CUBN: variants seen among roughly 807,000 people sequenced by gnomAD.
CUBN encodes the protein 460 kDa receptor.
A neutral mutation model predicts 405.3 loss-of-function variants in CUBN; 282 were observed. The ratio of observed to expected loss-of-function variants is 0.70; its 90% CI spans 0.63 to 0.77. The LOEUF (loss-of-function observed/expected upper bound fraction) is 0.77, where lower values mean the gene tolerates loss of function less well. CUBN is among the 30% of genes least tolerant of loss of function. The pLI, the probability that CUBN is intolerant of heterozygous loss-of-function variation, is 0.00. For missense variants in CUBN, 4,514 were observed against 4,475.2 expected (o/e 1.01, Z -0.25); for synonymous variants, 1,684 against 1,617.0 (o/e 1.04, Z -0.99).
At chr10:16,875,235 A>C (rs1840464963) in intron 57 of CUBN, among the ~76,000 whole-genome samples, 1 of 152,160 alleles carries the variant, frequency 6.6e-6, no homozygotes, top group Non-Finnish European at 1.5e-5. Context: ...AAAACGACAG[A>C]CATAAAAATG....
intron 60 of CUBN, among the ~76,000 whole-genome samples, chr10:16,848,494 T>C (rs1454175587): frequency 1.3e-5 from 2 of 152,072 alleles, no homozygotes; most frequent in African/African-American, 2.4e-5. Flanking sequence ...TAGGTACTAT[T>C]ATGTGATTTA....
At chr10:17,111,423 A>C (rs1836769416) in intron 8 of CUBN, among the ~76,000 whole-genome samples, 1 of 152,138 alleles carries the variant, frequency 6.6e-6, no homozygotes, top group African/African-American at 2.4e-5. Flanking sequence ...ATCTTAGTAT[A>C]CTGGTATAAG....
chr10:17,092,581 A>AC (rs1836289155), intron 14 of CUBN, among the ~76,000 whole-genome samples: 2 of 151,932 alleles, frequency 1.3e-5, no homozygotes, highest in South Asian at 4.1e-4. Flanking sequence ...GAGGAAAGTG[A>AC]CCTCTGGTCG....
rs566590660 is a variant in CUBN at position 17,087,121 on chromosome 10, T to A, written c.1947+1043A>T. 3.0e-3 allele frequency among the ~76,000 whole-genome samples: 415 copies of A among 140,292 alleles called. 1 individual carries two copies. The highest frequency in any genetic ancestry group is 9.4e-3 in the African/African-American group (386 of 41,150). 92.0% of individuals were successfully genotyped at this position (140,292 alleles called of 152,430 possible). ...TGACACCACATCCTTCTATCCTTTA[T>A]GAATAATTGCATTGACTCTATTCCT... On this transcript the variant is annotated intron_variant, in intron 15 of 66. Coordinates refer to ENST00000377833, the MANE Select transcript of CUBN (RefSeq NM_001081.4).
chr10:17,034,202 A>G (rs1223012330), intron 27 of CUBN, among the ~76,000 whole-genome samples: 3 of 152,210 alleles, frequency 2.0e-5, no homozygotes, highest in Non-Finnish European at 4.4e-5. Flanking sequence ...TAAGGAAATG[A>G]TTTAATGGAA....
chr10:17,108,814 A>G (rs1836699980), intron 10 of CUBN, among the ~76,000 whole-genome samples: 1 of 152,132 alleles, frequency 6.6e-6, no homozygotes, highest in African/African-American at 2.4e-5. Flanking sequence ...GCCAGGAAAA[A>G]CACTTATAAA....
intron 55 of CUBN, among the ~76,000 whole-genome samples, chr10:16,890,030 GC>G (rs1329533312): frequency 2.0e-5 from 3 of 151,328 alleles, no homozygotes; most frequent in Non-Finnish European, 2.9e-5. Flanking sequence ...TGTGTTTCAA[GC>G]CCCCCACGGG....
intron 28 of CUBN, among the ~76,000 whole-genome samples, chr10:17,011,657 G>A (rs555041419): frequency 5.9e-5 from 9 of 152,180 alleles, no homozygotes; most frequent in East Asian, 1.9e-4. Context: ...CCCTGCCCAC[G>A]TCCTGCTGAT....
At chr10:16,896,021 T>C (rs1478676124) in intron 54 of CUBN, among the ~76,000 whole-genome samples, 1 of 152,126 alleles carries the variant, frequency 6.6e-6, no homozygotes, top group African/African-American at 2.4e-5. Flanking sequence ...CTTCACACAG[T>C]TTTGGTAGTG....
Position 16,900,708 on chromosome 10 carries a change from G to C in CUBN, c.8327C>G (p.Ser2776Cys). Reference protein sequence around the residue: ...NSNPRTIQSGSNQLVVTFNSD... With the variant: ...NSNPRTIQSGCNQLVVTFNSD... ...GTTAAAAGTCACGACCAGCTGATTGGAACCTGACTGTATTGTCCTGGGGTT... is the reference window on the plus strand; with the variant it reads ...GTTAAAAGTCACGACCAGCTGATTGCAACCTGACTGTATTGTCCTGGGGTT... Residue 2776 changes from serine to cysteine, a missense_variant, in exon 53 of 67, where the codon TCC becomes TGC. Ser to Cys is a moderately radical substitution (Grantham distance 112). Transcript: ENST00000377833. The C allele has an allele frequency of 1.2e-6, 2 of 1,614,128 alleles. No homozygotes were observed. Among genetic ancestry groups the C allele is most frequent in the Non-Finnish European group, 1.7e-6 (2 of 1,179,994 alleles).
chr10:17,076,083 A>T (rs1374845081), intron 17 of CUBN, among the ~76,000 whole-genome samples: 1 of 152,172 alleles, frequency 6.6e-6, no homozygotes. Flanking sequence ...CGCCCATTAG[A>T]AGATGACAAG....
chr10:16,833,389 G>C (rs1292600136), intron 64 of CUBN, among the ~76,000 whole-genome samples: 2 of 152,128 alleles, frequency 1.3e-5, no homozygotes, highest in African/African-American at 4.8e-5. Context: ...TATTCCTTTA[G>C]AAAAGGCATG....
intron 31 of CUBN, among the ~76,000 whole-genome samples, chr10:16,975,242 T>A (rs1016084170): frequency 6.6e-6 from 1 of 152,206 alleles, no homozygotes. Flanking sequence ...TTATTTTCCA[T>A]CTCCGTGCCT....
intron 66 of CUBN, among the ~76,000 whole-genome samples, chr10:16,826,615 T>C (rs1379367194): frequency 6.6e-6 from 1 of 152,166 alleles, no homozygotes; most frequent in African/African-American, 2.4e-5. Context: ...TATCCACATT[T>C]ATAAAAAAAT....
At position 16,835,047 on chromosome 10, in the gene CUBN, C is replaced by T. The variant is rs746666327; in HGVS notation, c.10329G>A (p.Glu3443=). ...AATCGTTTCTGCATTCAACTGAGTT[C>T]TCGATGCCAAGTGAATGAAAAAAGA... ...ISLFFHSLGI[E]NSVECRNDFL... is the part of the protein sequence containing the mutation. The change falls in exon 64 of 67, where the codon GAG becomes GAA. Residue 3443 remains glutamate (E), a synonymous_variant. Coordinates refer to ENST00000377833, the MANE Select transcript of CUBN (RefSeq NM_001081.4). 1 of 1,614,114 alleles carries T rather than the reference C, an allele frequency of 6.2e-7. No homozygotes were observed. The highest frequency in any genetic ancestry group is 1.3e-5 in the African/African-American group (1 of 75,026).
chr10:16,998,013 C>T (rs1833782045), intron 28 of CUBN, among the ~76,000 whole-genome samples: 1 of 151,148 alleles, frequency 6.6e-6, no homozygotes. Flanking sequence ...GAGATGAAAT[C>T]AAAGAAGAAA....
At chr10:16,924,050 G>T (rs1013287717) in intron 43 of CUBN, among the ~76,000 whole-genome samples, 1 of 152,118 alleles carries the variant, frequency 6.6e-6, no homozygotes, top group Non-Finnish European at 1.5e-5. Flanking sequence ...TAGCCTGGGC[G>T]ACAGAGAGAC....
intron 64 of CUBN, among the ~76,000 whole-genome samples, 196 bp downstream of exon 64, chr10:16,834,818 C>T (rs552140864): frequency 4.3e-4 from 66 of 152,244 alleles, no homozygotes; most frequent in African/African-American, 6.0e-4. Flanking sequence ...GAGTCTCCTG[C>T]GGGCCCTAAG....
chr10:16,841,379 G>A (rs1456837440), intron 60 of CUBN, among the ~76,000 whole-genome samples: 2 of 152,072 alleles, frequency 1.3e-5, no homozygotes, highest in Non-Finnish European at 2.9e-5. Context: ...TTGCCTAGAT[G>A]ATCACTGCAG....
Sources: allele counts gnomAD v4.1 joint callset (sites outside exome capture counted in the v4.1 genomes callset), GRCh38; gene constraint gnomAD v4.1.1; transcripts MANE v1.5; gene names NCBI Gene and HGNC (gene_info 2026-07-23, HGNC 2026-07-21).